Variants in CCDC180 observed in about 807,000 individuals in gnomAD.
CCDC180 encodes coiled-coil domain containing 180, also known as coiled-coil domain-containing protein 180.
A neutral mutation model predicts 209.2 loss-of-function variants in CCDC180; 154 were observed. The observed-to-expected ratio is 0.74, with a 90% CI of 0.65 to 0.84. The LOEUF (loss-of-function observed/expected upper bound fraction) is 0.84. Among genes scored for constraint, CCDC180 ranks in the 40% least tolerant of loss-of-function variants. The pLI is 0.00. For missense variants in CCDC180, 1,874 were observed against 1,997.3 expected (o/e 0.94, Z 1.18); for synonymous variants, 778 against 749.1 (o/e 1.04, Z -0.63).
chr9:97,366,167 G>A lies in CCDC180; in HGVS notation c.4048-392G>A, dbSNP rs1202894511. Among the ~76,000 whole-genome samples, 2 of 152,222 alleles carry A rather than the reference G, an allele frequency of 1.3e-5. No individual in the cohort carries two copies. The highest frequency in any genetic ancestry group is 4.8e-5 in the African/African-American group (2 of 41,444). ...GTGCCTTCTCCTGTCTGCCTCCCAC[G>A]GGTCTGTCTGCCTCCTTCAGGGCAG... On this transcript the variant is annotated intron_variant, in intron 30 of 36. Coordinates refer to ENST00000529487, the MANE Select transcript of CCDC180 (RefSeq NM_020893.6). The surrounding 1 kb of genome is among the most constrained non-coding windows in gnomAD (Gnocchi z 4.3).
rs796221825 is a variant in CCDC180 at position 97,325,278 on chromosome 9, A to C, written c.1545+86A>C. 2.0e-5 allele frequency: 28 copies of C among 1,410,204 alleles called. No individual in the cohort carries two copies. The African/African-American group carries it at 3.6e-4, about 18-fold the overall frequency. The allele number at this position is 1,410,204 out of a possible 1,614,324, so 87.4% of individuals were successfully genotyped here. On this transcript the variant is annotated intron_variant, in intron 14 of 36. Coordinates refer to ENST00000529487, the MANE Select transcript of CCDC180 (RefSeq NM_020893.6). ...TCCTTGACCCAAATGGAGAACCTTA[A>C]GCTATGAAATTTGTGCAGATGGGGA... is the stretch of plus-strand genomic sequence containing the variant.
At chr9:97,343,684 A>C (rs1253023505) in intron 19 of CCDC180, 121 bp downstream of exon 19, 12 of 754,236 alleles carry the variant, frequency 1.6e-5, no homozygotes, top group Non-Finnish European at 2.3e-5. Context: ...AATGTAGGTA[A>C]CTGAAGGAAG....
In CCDC180 at chr9:97,314,648, G is replaced by A. The variant is rs145582319; in HGVS notation, c.619G>A (p.Gly207Arg). The change falls in exon 7 of 37, where the codon GGG (glycine) becomes AGG (arginine). Residue 207 changes from glycine (G) to arginine (R), a missense_variant. Gly to Arg is a moderately radical substitution (Grantham distance 125). Coordinates refer to ENST00000529487, the MANE Select transcript of CCDC180 (RefSeq NM_020893.6). ...GCTGGAGCTGTGGGATAAGGTGGCC[G>A]GGCGGTTACTGCTCCGGAAGCAGGA... ...ALLELWDKVA[G>R]RLLLRKQEIK... 6.8e-6 allele frequency: 11 copies of A among 1,613,940 alleles called. No homozygotes were observed. The highest frequency in any genetic ancestry group is 1.7e-5 in the Admixed American group (1 of 60,004).
intron 25 of CCDC180, among the ~76,000 whole-genome samples, chr9:97,359,427 G>A (rs565151816): frequency 3.3e-5 from 5 of 152,174 alleles, no homozygotes; most frequent in Non-Finnish European, 5.9e-5. Flanking sequence ...TCTGCAGAGC[G>A]GTGATTAGGG....
intron 27 of CCDC180, 118 bp from the exon 28 acceptor site, chr9:97,362,078 C>A: frequency 6.9e-7 from 1 of 1,439,484 alleles, no homozygotes; most frequent in East Asian, 2.3e-5. Context: ...TGAAATGGGG[C>A]TCGTGACAGG....
intron 8 of CCDC180, among the ~76,000 whole-genome samples, chr9:97,316,668 A>G (rs1227962250): frequency 1.3e-5 from 2 of 152,204 alleles, no homozygotes; most frequent in African/African-American, 2.4e-5. Flanking sequence ...GGTTCTCCTA[A>G]CAACCATATG....
In CCDC180 at chr9:97,361,860, T is replaced by G; in HGVS notation, c.3618T>G (p.Ile1206Met). The change falls in exon 27 of 37, where the codon ATT becomes ATG. Residue 1206 changes from isoleucine (I) to methionine (M), a missense_variant. Transcript: ENST00000529487. ...TGAGCCGCGTGGGGAAGCCCCTGATTGAGGACCCAGCTGTGGATGTGATCA... is the reference window on the plus strand; with the variant it reads ...TGAGCCGCGTGGGGAAGCCCCTGATGGAGGACCCAGCTGTGGATGTGATCA... ...TQLSRVGKPLIEDPAVDVIRK... is the reference protein window; with the variant it reads ...TQLSRVGKPLMEDPAVDVIRK... The G allele has an allele frequency of 6.2e-7, 1 of 1,614,092 alleles. No homozygotes were observed.
In CCDC180 at chr9:97,361,411, C is replaced by T. The variant is rs185985418; in HGVS notation, c.3484-315C>T. On this transcript the variant is annotated intron_variant, in intron 26 of 36. Coordinates refer to ENST00000529487, the MANE Select transcript of CCDC180 (RefSeq NM_020893.6). ...CAAGTTAAATGTCTGTCTTTTCTGA[C>T]TAAACCACAAGCTCTGAGACAGGAG... 4.1e-4 allele frequency among the ~76,000 whole-genome samples: 62 copies of T among 152,346 alleles called. 1 individual carries two copies. The highest frequency in any genetic ancestry group is 8.8e-5 in the Non-Finnish European group (6 of 68,024).
intron 9 of CCDC180, 69 bp downstream of exon 9, chr9:97,317,297 C>A (rs983160290): frequency 1.5e-6 from 2 of 1,354,692 alleles, no homozygotes; most frequent in African/African-American, 1.5e-5. Flanking sequence ...GGGCGGCATT[C>A]TCCCTCACTT....
intron 29 of CCDC180, among the ~76,000 whole-genome samples, chr9:97,365,014 G>T (rs1002394442): frequency 1.3e-4 from 20 of 152,300 alleles, no homozygotes; most frequent in Admixed American, 1.0e-3. Flanking sequence ...TGAACAGTCA[G>T]TCATTCATGA....
Position 97,326,680 on chromosome 9 carries a change from C to G in CCDC180, c.1661+11C>G, listed in dbSNP as rs1003284934. 3.3e-6 allele frequency: 5 copies of G among 1,527,032 alleles called. No homozygotes were observed. In the African/African-American group the frequency reaches 6.8e-5, roughly 21 times the overall value. 94.6% of individuals were successfully genotyped at this position (1,527,032 alleles called of 1,614,324 possible). On this transcript the variant is annotated intron_variant, in intron 15 of 36. Transcript: ENST00000529487. ...GAACATGAAATCCAGGTAGGCCAAC[C>G]AGACTCCAGAAGGCAGGAAGGGATG... is the stretch of plus-strand genomic sequence containing the variant.
intron 28 of CCDC180, 62 bp from the exon 29 acceptor site, chr9:97,363,989 G>T (rs1447496269): frequency 5.9e-6 from 9 of 1,520,680 alleles, no homozygotes; most frequent in African/African-American, 1.4e-5. Flanking sequence ...GATCCTGCAG[G>T]CTCAGACCTG....
rs751945259 is a variant in CCDC180 at position 97,314,687 on chromosome 9, G to C, written c.658G>C (p.Asp220His). The C allele has an allele frequency of 1.9e-6, 3 of 1,614,086 alleles. No homozygotes were observed. In the Admixed American group the frequency reaches 5.0e-5, roughly 27 times the overall value. ...LLRKQEIKEL[D>H]EALHSLEFSR... ...CCGGAAGCAGGAGATTAAGGAGCTG[G>C]ATGAGGCCCTGCACTCGCTGGAGTT... The change falls in exon 7 of 37, where the codon GAT becomes CAT. Residue 220 changes from aspartate to histidine, a missense_variant. Transcript: ENST00000529487.
At chr9:97,374,700 G>A (rs748899685) in intron 35 of CCDC180, 52 bp downstream of exon 35, 34 of 1,432,382 alleles carry the variant, frequency 2.4e-5, no homozygotes, top group Non-Finnish European at 2.6e-5. Flanking sequence ...TCTGCTGGGG[G>A]TGGTGCAGTG....
At position 97,362,278 on chromosome 9, in the gene CCDC180, C is replaced by T. The variant is rs115326222; in HGVS notation, c.3739C>T (p.Arg1247Trp). 6.1e-4 allele frequency: 978 copies of T among 1,614,186 alleles called. 8 individuals carry two copies. In the African/African-American group the frequency reaches 0.012, roughly 19 times the overall value. Residue 1247 changes from arginine to tryptophan, a missense_variant, in exon 28 of 37, where the codon CGG becomes TGG. Arg to Trp is a moderately radical substitution (Grantham distance 101, BLOSUM62 -3). Transcript: ENST00000529487. ...TGRGAWACGS[R>W]GSSEAGAGGA... The stretch of plus-strand genomic sequence containing the variant: ...TAGAGGCGCATGGGCCTGTGGGTCT[C>T]GGGGCAGCAGTGAGGCAGGGGCTGG...
At chr9:97,353,057 C>T (rs771316522) in intron 22 of CCDC180, among the ~76,000 whole-genome samples, 8 of 152,050 alleles carry the variant, frequency 5.3e-5, no homozygotes, top group Non-Finnish European at 1.0e-4. Context: ...AATGCAGTGG[C>T]ACAGTCTCCA....
At chr9:97,353,459 T>C (rs565494544) in intron 22 of CCDC180, among the ~76,000 whole-genome samples, 1 of 152,360 alleles carries the variant, frequency 6.6e-6, no homozygotes, top group South Asian at 2.1e-4. Flanking sequence ...TTCTGTTCTC[T>C]ATTGTTTTAC....
intron 18 of CCDC180, among the ~76,000 whole-genome samples, chr9:97,335,887 G>T (rs968341690): frequency 6.6e-6 from 1 of 152,142 alleles, no homozygotes; most frequent in Non-Finnish European, 1.5e-5. Flanking sequence ...GTGTGAGATG[G>T]TATCTCTTTG....
chr9:97,340,246 G>A (rs1412492363), intron 18 of CCDC180, among the ~76,000 whole-genome samples: 1 of 152,082 alleles, frequency 6.6e-6, no homozygotes, highest in Non-Finnish European at 1.5e-5. Context: ...GGGCGCTCGG[G>A]TTTTTAGAAT....
Sources: gnomAD v4.1 joint callset for allele counts (sites outside exome capture counted in the v4.1 genomes callset) on GRCh38, gnomAD v4.1.1 for gene constraint, Gnocchi (gnomAD v3.1) non-coding constraint, MANE v1.5 for transcripts, NCBI Gene and HGNC (gene_info 2026-07-23, HGNC 2026-07-21) for gene names.